Variants in KLRG2 observed in about 807,000 individuals in gnomAD.
The protein encoded by KLRG2 is killer cell lectin like receptor G2.
In KLRG2, 39 loss-of-function variants were observed where a neutral mutation model predicts 35.4. That is an observed-to-expected ratio of 1.10 (90% CI 0.85 to 1.44). The LOEUF (loss-of-function observed/expected upper bound fraction) is 1.44, where lower values mean the gene tolerates loss of function less well. Among genes scored for constraint, KLRG2 ranks in the 40% most tolerant of loss-of-function variants. KLRG2 has a pLI of 0.00. For synonymous variants in KLRG2, 283 were observed against 265.8 expected, an observed-to-expected ratio of 1.06 and a Z score of -0.63; for missense variants, 632 against 570.9, an observed-to-expected ratio of 1.11 and a Z score of -1.09.
the KLRG2 span, among the ~76,000 whole-genome samples, chr7:139,432,833 T>A: frequency 6.6e-6 from 1 of 152,200 alleles, no homozygotes; most frequent in Non-Finnish European, 1.5e-5. Context: ...TGTATTTTTT[T>A]AAATGATTTT....
At chr7:139,450,227 G>T (rs1209399090), downstream of KLRG2, among the ~76,000 whole-genome samples, 25 of 109,682 alleles carry the variant, frequency 2.3e-4, no homozygotes, top group Non-Finnish European at 3.5e-4. Flanking sequence ...TTTTTTTTTT[G>T]TTTTGTTTTG....
At chr7:139,474,574 C>T (rs915590076) in intron 3 of KLRG2, among the ~76,000 whole-genome samples, 2 of 151,780 alleles carry the variant, frequency 1.3e-5, no homozygotes, top group African/African-American at 4.8e-5. Flanking sequence ...GCCTGGCCAA[C>T]ATGGTGAAAC....
the KLRG2 span, among the ~76,000 whole-genome samples, chr7:139,441,799 T>TAGGG: frequency 6.6e-6 from 1 of 152,248 alleles, no homozygotes; most frequent in South Asian, 2.1e-4. Flanking sequence ...ATCTATTGAA[T>TAGGG]AGGGCTCTCT....
At chr7:139,470,628 C>T (rs1181296304) in intron 3 of KLRG2, among the ~76,000 whole-genome samples, 2 of 151,744 alleles carry the variant, frequency 1.3e-5, no homozygotes, top group Admixed American at 1.3e-4. Context: ...TTCATCTCTA[C>T]AAAAAATAAA....
downstream of KLRG2, among the ~76,000 whole-genome samples, chr7:139,451,512 T>A (rs867537209): frequency 7.8e-3 from 1,185 of 152,140 alleles, 15 homozygotes; most frequent in African/African-American, 0.027. Context: ...AAAAAATTTT[T>A]TTTTTTGTTA....
chr7:139,451,344 G>A (rs1796373034), downstream of KLRG2, among the ~76,000 whole-genome samples: 1 of 151,966 alleles, frequency 6.6e-6, no homozygotes, highest in South Asian at 2.1e-4. Context: ...TACTAAAAAT[G>A]CAAAAATTAG....
At chr7:139,462,998 A>C (rs1585167175) in intron 3 of KLRG2, among the ~76,000 whole-genome samples, 1 of 151,306 alleles carries the variant, frequency 6.6e-6, no homozygotes, top group Admixed American at 6.6e-5. Flanking sequence ...TCCTTTTATC[A>C]CCTCCTCTCC....
At chr7:139,460,757 G>C (rs893233113) in intron 3 of KLRG2, among the ~76,000 whole-genome samples, 17 of 151,324 alleles carry the variant, frequency 1.1e-4, no homozygotes, top group Admixed American at 1.1e-3. Flanking sequence ...TCACGAGTTT[G>C]AGACCGGCCT....
chr7:139,471,877 GGAGGTGTGTGTCTCAGA>G (rs1398602605), intron 3 of KLRG2, among the ~76,000 whole-genome samples: 109 of 152,290 alleles, frequency 7.2e-4, no homozygotes, highest in East Asian at 9.6e-4. Flanking sequence ...GAGTCTCAGA[GGAGGTGTGTGTCTCAGA>G]GAGGTGTGGA....
chr7:139,447,048 C>T, the KLRG2 span, among the ~76,000 whole-genome samples: 5 of 152,172 alleles, frequency 3.3e-5, no homozygotes, highest in Admixed American at 1.3e-4. Flanking sequence ...CTGAGACTTC[C>T]TTGCCTTCCC....
rs1796925127 is a variant in KLRG2 at position 139,479,887 on chromosome 7, G to A, written c.860-115C>T. 2.5e-6 allele frequency: 3 copies of A among 1,214,642 alleles called. No individual in the cohort carries two copies. The Admixed American group carries it at 7.5e-5, about 30-fold the overall frequency. The allele number at this position is 1,214,642 out of a possible 1,614,324, so 75.2% of individuals were successfully genotyped here. A position where few individuals can be genotyped will look rare whatever the true frequency, so the allele number is the denominator to read the frequency against. On this transcript the variant is annotated intron_variant, in intron 2 of 4. Coordinates refer to ENST00000340940, the MANE Select transcript of KLRG2 (RefSeq NM_198508.4). ...ACTGGCAAACCTCAAGGTGGGCAGG[G>A]CCCCAGGGAGCTTTTATAGTCTGTG...
chr7:139,461,880 G>A (rs73156805), intron 3 of KLRG2, among the ~76,000 whole-genome samples: 14,363 of 152,136 alleles, frequency 0.094, 742 homozygotes, highest in Non-Finnish European at 0.11. Flanking sequence ...GCCATGACTC[G>A]GATCAGGGAT....
intron 3 of KLRG2, among the ~76,000 whole-genome samples, chr7:139,476,990 A>T (rs567652118): frequency 8.5e-5 from 13 of 152,304 alleles, no homozygotes; most frequent in Admixed American, 6.5e-4. Context: ...CCCCCTTGCC[A>T]AACACGGAGT....
At chr7:139,431,457 A>G in the KLRG2 span, among the ~76,000 whole-genome samples, 3 of 150,580 alleles carry the variant, frequency 2.0e-5, no homozygotes, top group East Asian at 3.9e-4. Context: ...GGACTCTTTT[A>G]GGCAGGGTAG....
At chr7:139,431,663 G>T in the KLRG2 span, among the ~76,000 whole-genome samples, 1 of 152,188 alleles carries the variant, frequency 6.6e-6, no homozygotes, top group Non-Finnish European at 1.5e-5. Context: ...ACATAAGCTG[G>T]GGCTGGTGGT....
chr7:139,428,419 A>G, the KLRG2 span, among the ~76,000 whole-genome samples: 3 of 151,872 alleles, frequency 2.0e-5, no homozygotes, highest in East Asian at 3.9e-4. Context: ...ATTTTTTAAA[A>G]AATTTTTTAA....
intron 3 of KLRG2, among the ~76,000 whole-genome samples, chr7:139,474,316 G>A (rs1569415359): frequency 6.6e-6 from 1 of 152,166 alleles, no homozygotes; most frequent in African/African-American, 2.4e-5. Flanking sequence ...ATGAGCCACT[G>A]TGCCCCACCT....
At position 139,464,783 on chromosome 7, in the gene KLRG2, C is replaced by T. The variant is rs1208604814; in HGVS notation, c.1006-10569G>A. Among the ~76,000 whole-genome samples, 5 of 152,222 alleles carry T rather than the reference C, an allele frequency of 3.3e-5. No homozygotes were observed. In the South Asian group the frequency reaches 6.2e-4, roughly 19 times the overall value. The stretch of plus-strand genomic sequence containing the variant: ...CTTCATGTCTGTGTGTGGCAGCTGC[C>T]GCTGCTTTAATATTTTCAGAGGCCC... On this transcript the variant is annotated intron_variant, in intron 3 of 4. Coordinates refer to ENST00000340940, the MANE Select transcript of KLRG2 (RefSeq NM_198508.4).
At chr7:139,463,336 C>G (rs1585167398) in intron 3 of KLRG2, among the ~76,000 whole-genome samples, 1 of 152,154 alleles carries the variant, frequency 6.6e-6, no homozygotes, top group South Asian at 2.1e-4. Context: ...TTCCAGCCCT[C>G]AAACCCCACA....
Sources: gnomAD v4.1 joint callset for allele counts (sites outside exome capture counted in the v4.1 genomes callset) on GRCh38, gnomAD v4.1.1 for gene constraint, MANE v1.5 for transcripts, NCBI Gene and HGNC (gene_info 2026-07-23, HGNC 2026-07-21) for gene names.